Variants in CELF6 observed in about 807,000 individuals in gnomAD.
CELF6 encodes the protein Bruno -like 6, RNA binding protein.
CELF6 carries 32 observed loss-of-function variants against 53.1 expected under a neutral mutation model. That is an observed-to-expected ratio of 0.60 (90% CI 0.46 to 0.81). The LOEUF (loss-of-function observed/expected upper bound fraction) is 0.81, where lower values mean the gene tolerates loss of function less well. CELF6 is among the 30% of genes least tolerant of loss of function. The probability of loss-of-function intolerance (pLI) is 0.00; values close to 1 mark genes in which losing one functional copy is unlikely to be tolerated. For synonymous variants in CELF6, 291 were observed against 288.8 expected (o/e 1.01, Z -0.08); for missense variants, 539 against 669.5 (o/e 0.81, Z 2.15).
At chr15:72,303,459 G>A (rs575118737) in intron 3 of CELF6, among the ~76,000 whole-genome samples, 4 of 152,328 alleles carry the variant, frequency 2.6e-5, no homozygotes, top group South Asian at 2.1e-4. Context: ...TTGGAGGAAC[G>A]AACTTCACAG....
chr15:72,288,725 C>A lies in CELF6; in HGVS notation c.1094-107G>T. 2 of 1,384,024 alleles carry A rather than the reference C, an allele frequency of 1.4e-6. No homozygotes were observed. Among genetic ancestry groups the A allele is most frequent in the East Asian group, 4.8e-5 (2 of 41,866 alleles). The allele number at this position is 1,384,024 out of a possible 1,614,324, so 85.7% of individuals were successfully genotyped here. On this transcript the variant is annotated intron_variant, in intron 9 of 12. Transcript: ENST00000287202. The surrounding 1 kb of genome is among the most constrained non-coding windows in gnomAD (Gnocchi z 4.6). ...CAATTCAGCCCAGTCCACCATAACCCTCACCCCAAGAGAGGTCGTTCTGGG... is the reference window on the plus strand; with the variant it reads ...CAATTCAGCCCAGTCCACCATAACCATCACCCCAAGAGAGGTCGTTCTGGG...
chr15:72,317,750 C>A (rs903729371), intron 1 of CELF6, among the ~76,000 whole-genome samples: 4 of 152,176 alleles, frequency 2.6e-5, no homozygotes, highest in Non-Finnish European at 5.9e-5. Context: ...ATTCCACTTA[C>A]ATCCCTGCTC....
chr15:72,289,087 C>A lies in CELF6; in HGVS notation c.1030+51G>T. ...GGAAGCCAGGCCCTAACCCCCCACC[C>A]CCCGCTCCCCACTCCATTTCGGGGG... On this transcript the variant is annotated intron_variant, in intron 8 of 12. Transcript: ENST00000287202. The surrounding 1 kb of genome is among the most constrained non-coding windows in gnomAD (Gnocchi z 7.6). 1.4e-6 allele frequency: 2 copies of A among 1,417,570 alleles called. No individual in the cohort carries two copies. Among genetic ancestry groups the A allele is most frequent in the South Asian group, 1.4e-5 (1 of 69,400 alleles). 87.8% of individuals were successfully genotyped at this position (1,417,570 alleles called of 1,614,324 possible). A position where few individuals can be genotyped will look rare whatever the true frequency, so the allele number is the denominator to read the frequency against.
At chr15:72,310,337 A>G (rs1050596208) in intron 2 of CELF6, among the ~76,000 whole-genome samples, 3 of 151,940 alleles carry the variant, frequency 2.0e-5, no homozygotes, top group Non-Finnish European at 2.9e-5. Flanking sequence ...AATTCAACCC[A>G]CTGTCAAGTC....
chr15:72,296,574 G>A (rs2912233), intron 3 of CELF6, among the ~76,000 whole-genome samples: 147,960 of 152,358 alleles, frequency 0.97, 71,998 homozygotes, highest in East Asian at 1. Context: ...ACAACTAAAT[G>A]GTAACAACAA....
In CELF6 at chr15:72,288,905, G is replaced by C; in HGVS notation, c.1056C>G (p.Pro352=). ...GCATCCCAGCGTAGGCCTGCTGCAG[G>C]GGGTCAGCCACGCCGGGGCTCTGGG... is the stretch of plus-strand genomic sequence containing the variant. The part of the protein sequence containing the change: ...YPAQSPGVAD[P]LQQAYAGMHH... Residue 352 remains proline (P), a synonymous_variant, in exon 9 of 13, where the codon CCC becomes CCG. Coordinates refer to ENST00000287202, the MANE Select transcript of CELF6 (RefSeq NM_052840.5). This position sits in a 1 kb window ranked among gnomAD's most constrained non-coding sequence, Gnocchi z 4.6. 1.3e-6 allele frequency: 2 copies of C among 1,550,970 alleles called. No individual in the cohort carries two copies. Among genetic ancestry groups the C allele is most frequent in the Non-Finnish European group, 8.7e-7 (1 of 1,147,066 alleles).
chr15:72,302,788 C>A (rs2088176344), intron 3 of CELF6, among the ~76,000 whole-genome samples: 1 of 152,218 alleles, frequency 6.6e-6, no homozygotes, highest in African/African-American at 2.4e-5. Flanking sequence ...AACATGCTTG[C>A]TCCCTCTCTC....
chr15:72,296,304 A>G (rs2088077011), intron 3 of CELF6, among the ~76,000 whole-genome samples: 1 of 152,256 alleles, frequency 6.6e-6, no homozygotes, highest in Admixed American at 6.5e-5. Context: ...ATTTCCTGAC[A>G]GGATTTGGCA....
At chr15:72,313,812 G>T in intron 2 of CELF6, 1 of 842,252 alleles carries the variant, frequency 1.2e-6, no homozygotes, top group Non-Finnish European at 1.4e-6. Context: ...TACTAATGCT[G>T]CTGTTACTAT....
At chr15:72,292,285 C>G (rs1463180017) in intron 3 of CELF6, 5 of 1,517,944 alleles carry the variant, frequency 3.3e-6, no homozygotes, top group Non-Finnish European at 4.4e-6. Flanking sequence ...CAGGAAAGGT[C>G]TTTCATGAGT....
intron 3 of CELF6, among the ~76,000 whole-genome samples, chr15:72,302,473 T>A (rs180691464): frequency 6.6e-6 from 1 of 152,326 alleles, no homozygotes; most frequent in Non-Finnish European, 1.5e-5. Flanking sequence ...AAATGCCATA[T>A]GTACAGAATT....
chr15:72,303,147 G>T (rs1326072528), intron 3 of CELF6, among the ~76,000 whole-genome samples: 1 of 152,174 alleles, frequency 6.6e-6, no homozygotes, highest in East Asian at 1.9e-4. Context: ...CTCAGCTGTG[G>T]GACTGGCTCA....
intron 3 of CELF6, among the ~76,000 whole-genome samples, chr15:72,293,746 A>G (rs982558494): frequency 3.4e-5 from 5 of 147,784 alleles, no homozygotes; most frequent in African/African-American, 5.0e-5. Context: ...CAAGCTGGAG[A>G]GCAATGGCAC....
chr15:72,318,504 T>G (rs918116799), intron 1 of CELF6, among the ~76,000 whole-genome samples: 19 of 151,708 alleles, frequency 1.3e-4, no homozygotes, highest in African/African-American at 4.6e-4. Context: ...GAGATAAGAG[T>G]GTTCCTTCTC....
At chr15:72,300,694 C>T (rs893289171) in intron 3 of CELF6, among the ~76,000 whole-genome samples, 2 of 152,068 alleles carry the variant, frequency 1.3e-5, no homozygotes, top group African/African-American at 2.4e-5. Flanking sequence ...ATTAGCTGGG[C>T]GTGCTAGTGG....
intron 2 of CELF6, among the ~76,000 whole-genome samples, chr15:72,312,096 G>T (rs2088304630): frequency 6.6e-6 from 1 of 152,154 alleles, no homozygotes; most frequent in Admixed American, 6.5e-5. Flanking sequence ...TCTCGTAAGT[G>T]GGGCTGAGGC....
At chr15:72,304,382 G>C (rs1219847038) in intron 3 of CELF6, among the ~76,000 whole-genome samples, 4 of 152,176 alleles carry the variant, frequency 2.6e-5, no homozygotes, top group South Asian at 2.1e-4. Flanking sequence ...GAAGGATATG[G>C]AGAAGGAGAA....
intron 2 of CELF6, among the ~76,000 whole-genome samples, chr15:72,305,946 G>A (rs1276397004): frequency 2.0e-5 from 3 of 148,400 alleles, no homozygotes; most frequent in Non-Finnish European, 3.0e-5. Context: ...TCCCTTCCCC[G>A]CTCCCACCAA....
rs1468466575 is a variant in CELF6 at position 72,288,361 on chromosome 15, A to G, written c.1265T>C (p.Val422Ala). Reference sequence around the variant, plus strand: ...ATCCACAAAGACTTTAGCAGAGACAACGGCTCCAAAGGGCAGGAATGTCTG... The same window carrying G: ...ATCCACAAAGACTTTAGCAGAGACAGCGGCTCCAAAGGGCAGGAATGTCTG... ...LIQTFLPFGA[V>A]VSAKVFVDRA... The change falls in exon 11 of 13, where the codon GTT becomes GCT. Residue 422 changes from valine to alanine, a missense_variant. Val to Ala is a moderately conservative substitution (Grantham distance 64, BLOSUM62 0). This residue lies in a region of CELF6 where 358 missense variants were observed against 412.8 expected (regional missense o/e 0.87). Transcript: ENST00000287202. The surrounding 1 kb of genome is among the most constrained non-coding windows in gnomAD (Gnocchi z 4.6). 6.2e-7 allele frequency: 1 copy of G among 1,614,134 alleles called. No individual in the cohort carries two copies. The highest frequency in any genetic ancestry group is 1.7e-5 in the Admixed American group (1 of 60,018).
Sources: gnomAD v4.1 joint callset for allele counts (sites outside exome capture counted in the v4.1 genomes callset) on GRCh38, gnomAD v4.1.1 for gene constraint, gnomAD v4.1.1 regional missense constraint, Gnocchi (gnomAD v3.1) non-coding constraint, MANE v1.5 for transcripts, NCBI Gene and HGNC (gene_info 2026-07-23, HGNC 2026-07-21) for gene names.